The following UGT1A10 variants were observed in gnomAD, a reference collection of about 807,000 sequenced individuals.
UGT1A10 encodes UDP-glucuronosyltransferase 1A10.
Under a neutral mutation model 45.8 loss-of-function variants are expected in UGT1A10, and 49 were observed. The observed-to-expected ratio is 1.07, with a 90% CI of 0.85 to 1.36. The LOEUF (loss-of-function observed/expected upper bound fraction) is 1.36, where lower values mean the gene tolerates loss of function less well. UGT1A10 is among the 40% of genes most tolerant of loss of function. The pLI, the probability that UGT1A10 is intolerant of heterozygous loss-of-function variation, is 0.00. For synonymous variants in UGT1A10, 284 were observed against 249.7 expected (o/e 1.14, Z -1.29); for missense variants, 745 against 668.6 (o/e 1.11, Z -1.26).
chr2:233,711,423 C>G (rs2076180773), intron 1 of UGT1A10, among the ~76,000 whole-genome samples: 1 of 152,194 alleles, frequency 6.6e-6, no homozygotes. Context: ...CAGGAGGGTG[C>G]TTAGGATGCA....
At chr2:233,706,372 T>C (rs2075905124) in intron 1 of UGT1A10, among the ~76,000 whole-genome samples, 1 of 152,222 alleles carries the variant, frequency 6.6e-6, no homozygotes, top group South Asian at 2.1e-4. Flanking sequence ...TAGGCCATTG[T>C]ACAAAAGCAG....
rs376676972 is a variant in UGT1A10, at chr2:233,729,353, C to T, written c.856-37681C>T. On this transcript the variant is annotated intron_variant, in intron 1 of 4. Coordinates refer to ENST00000344644, the MANE Select transcript of UGT1A10 (RefSeq NM_019075.4). ...CACATCAAAGAAGAGAACTTTTTCACCCTGACAACCTATGCCATTTCGTGG... is the reference window on the plus strand; with the variant it reads ...CACATCAAAGAAGAGAACTTTTTCATCCTGACAACCTATGCCATTTCGTGG... 2.5e-5 allele frequency: 40 copies of T among 1,614,044 alleles called. No individual in the cohort carries two copies. The African/African-American group carries it at 5.1e-4, about 20-fold the overall frequency.
rs530453791 is a variant in UGT1A10 at position 233,664,186 on chromosome 2, C to T, written c.855+26809C>T. 5.5e-4 allele frequency among the ~76,000 whole-genome samples: 84 copies of T among 152,256 alleles called. No homozygotes were observed. The South Asian group carries it at 0.011, about 19-fold the overall frequency. ...CACATGAGACCTCATTAGCCTGGCC[C>T]TCACTGCTGATTTTTCTATCAGTAT... On this transcript the variant is annotated intron_variant, in intron 1 of 4. Transcript: ENST00000344644.
In UGT1A10 at chr2:233,637,266, A is replaced by G. The variant is rs184952248; in HGVS notation, c.744A>G (p.Thr248=). The change falls in exon 1 of 5, where the codon ACA becomes ACG. Residue 248 remains threonine (T), a synonymous_variant. Transcript: ENST00000344644. ...PVTAYDLYSH[T]SIWLLRTDFV... ...CGGCATATGATCTCTACAGTCACAC[A>G]TCAATTTGGTTGTTGCGAACGGACT... 3.1e-6 allele frequency: 5 copies of G among 1,613,960 alleles called. No individual in the cohort carries two copies. The Admixed American group carries it at 8.3e-5, about 27-fold the overall frequency.
chr2:233,753,001 T>C (rs1372117630), intron 1 of UGT1A10, among the ~76,000 whole-genome samples: 3 of 151,962 alleles, frequency 2.0e-5, no homozygotes, highest in African/African-American at 7.3e-5. Context: ...CATTCTATCC[T>C]ACCCAGAGTG....
chr2:233,676,692 G>T (rs1472017831), intron 1 of UGT1A10, among the ~76,000 whole-genome samples: 1 of 152,146 alleles, frequency 6.6e-6, no homozygotes, highest in Non-Finnish European at 1.5e-5. Flanking sequence ...GTGTCCTGTA[G>T]AATGTTCCTC....
At chr2:233,703,675 A>T (rs2075747379) in intron 1 of UGT1A10, among the ~76,000 whole-genome samples, 1 of 152,106 alleles carries the variant, frequency 6.6e-6, no homozygotes, top group Admixed American at 6.5e-5. Flanking sequence ...GTTTCATGAT[A>T]TATTTTTTTT....
chr2:233,700,940 A>G (rs972837760), intron 1 of UGT1A10, among the ~76,000 whole-genome samples: 3 of 151,922 alleles, frequency 2.0e-5, no homozygotes, highest in Non-Finnish European at 4.4e-5. Flanking sequence ...TGATTGTTCA[A>G]TTCCCACCTA....
chr2:233,665,065 A>G (rs1197928561), intron 1 of UGT1A10, among the ~76,000 whole-genome samples: 2 of 152,212 alleles, frequency 1.3e-5, no homozygotes. Flanking sequence ...TATTTTATGC[A>G]TATGCAGATA....
intron 1 of UGT1A10, among the ~76,000 whole-genome samples, chr2:233,742,141 C>G (rs569949528): frequency 6.6e-6 from 1 of 151,830 alleles, no homozygotes; most frequent in Non-Finnish European, 1.5e-5. Flanking sequence ...AACCCAGCAG[C>G]GCTAGACGAA....
At chr2:233,729,492 G>A (rs2077867797) in intron 1 of UGT1A10, 26 of 1,614,172 alleles carry the variant, frequency 1.6e-5, no homozygotes, top group Non-Finnish European at 2.0e-5. Context: ...ATATGTCTTT[G>A]GTCTATCATA....
At chr2:233,650,302 T>C (rs2073708642) in intron 1 of UGT1A10, among the ~76,000 whole-genome samples, 1 of 152,218 alleles carries the variant, frequency 6.6e-6, no homozygotes, top group Non-Finnish European at 1.5e-5. Flanking sequence ...ATAATTTCCA[T>C]TGAAGGGTTT....
intron 1 of UGT1A10, chr2:233,747,689 A>C (rs552388790): frequency 3.7e-6 from 6 of 1,609,664 alleles, no homozygotes; most frequent in Non-Finnish European, 5.1e-6. Flanking sequence ...TCTGTGGGGC[A>C]GTGCTGGCTA....
intron 4 of UGT1A10, among the ~76,000 whole-genome samples, chr2:233,771,929 A>G (rs1433247357): frequency 6.6e-6 from 1 of 152,182 alleles, no homozygotes; most frequent in African/African-American, 2.4e-5. Flanking sequence ...AGCCTGGGCA[A>G]CACAATAAGA....
chr2:233,710,917 C>T (rs1215243421), intron 1 of UGT1A10, among the ~76,000 whole-genome samples: 1 of 152,212 alleles, frequency 6.6e-6, no homozygotes, highest in Non-Finnish European at 1.5e-5. Context: ...GGTCTTTAGA[C>T]CACTTAGTCT....
intron 1 of UGT1A10, among the ~76,000 whole-genome samples, chr2:233,654,113 T>C (rs2073801080): frequency 6.6e-6 from 1 of 152,182 alleles, no homozygotes; most frequent in South Asian, 2.1e-4. Context: ...GATATGAAGA[T>C]GAAATACATA....
chr2:233,769,680 T>C lies in UGT1A10; in HGVS notation c.1295+1241T>C. On this transcript the variant is annotated intron_variant, in intron 4 of 4. Transcript: ENST00000344644. The surrounding 1 kb of genome is among the most constrained non-coding windows in gnomAD (Gnocchi z 4.4). The stretch of plus-strand genomic sequence containing the variant: ...CACCTTTGAGGTGCTAATGTGTGTG[T>C]GGTGGCACTGGATAAAAGATCAATG... 1 of 1,566,500 alleles carries C rather than the reference T, an allele frequency of 6.4e-7. No individual in the cohort carries two copies. The highest frequency in any genetic ancestry group is 8.7e-7 in the Non-Finnish European group (1 of 1,155,954).
rs28899178 is a variant in UGT1A10, at chr2:233,702,144, C to G, written c.855+64767C>G. Among the ~76,000 whole-genome samples the G allele has an allele frequency of 8.7e-3, 1,324 of 152,238 alleles. 29 individuals carry two copies. Among genetic ancestry groups the G allele is most frequent in the African/African-American group, 0.03 (1,235 of 41,546 alleles). On this transcript the variant is annotated intron_variant, in intron 1 of 4. Transcript: ENST00000344644. ...ACATTTTCAGTCACTCCCAAAGATACCTTATATCTATTATCAGTCACTCTT... is the reference window on the plus strand; with the variant it reads ...ACATTTTCAGTCACTCCCAAAGATAGCTTATATCTATTATCAGTCACTCTT...
chr2:233,760,568 G>A (rs1252353903), intron 1 of UGT1A10: 1 of 1,614,246 alleles, frequency 6.2e-7, no homozygotes, highest in Non-Finnish European at 8.5e-7. Context: ...TCTTTTGTTA[G>A]TCTCGGGCAT....
Sources: allele counts gnomAD v4.1 joint callset (sites outside exome capture counted in the v4.1 genomes callset), GRCh38; gene constraint gnomAD v4.1.1; non-coding constraint Gnocchi (gnomAD v3.1); transcripts MANE v1.5; gene names NCBI Gene and HGNC (gene_info 2026-07-23, HGNC 2026-07-21).